Variants in RSF1 observed in about 807,000 individuals in gnomAD.
RSF1 encodes HBV pX-associated protein 8.
In RSF1, 13 loss-of-function variants were observed where a neutral mutation model predicts 145.2. The ratio of observed to expected loss-of-function variants is 0.09; its 90% CI spans 0.06 to 0.14. The LOEUF is 0.14. Ranked by LOEUF, RSF1 falls within the 10% of genes least tolerant of loss-of-function variation. RSF1 has a pLI of 1.00. For synonymous variants in RSF1, 577 were observed against 592.6 expected, an observed-to-expected ratio of 0.97 and a Z score of 0.38; for missense variants, 1,517 against 1,718.2, an observed-to-expected ratio of 0.88 and a Z score of 2.07.
chr11:77,738,045 C>T (rs1433338295), intron 4 of RSF1, among the ~76,000 whole-genome samples: 3 of 152,208 alleles, frequency 2.0e-5, no homozygotes, highest in Non-Finnish European at 2.9e-5. Flanking sequence ...AGAAGAATGG[C>T]GTGAACCCGG....
At chr11:77,693,175 CAA>C (rs1408657502) in intron 8 of RSF1, among the ~76,000 whole-genome samples, 2 of 151,664 alleles carry the variant, frequency 1.3e-5, no homozygotes, top group African/African-American at 2.4e-5. Flanking sequence ...AGGTAGAAAC[CAA>C]AAAAGAGGAT....
chr11:77,848,505 C>T, the RSF1 span, among the ~76,000 whole-genome samples: 1 of 151,926 alleles, frequency 6.6e-6, no homozygotes. Context: ...TTACAGGCAC[C>T]CACCACCTCA....
At chr11:77,757,550 T>C (rs1948127902) in intron 2 of RSF1, among the ~76,000 whole-genome samples, 1 of 152,022 alleles carries the variant, frequency 6.6e-6, no homozygotes, top group South Asian at 2.1e-4. Context: ...AGGTGGTGCA[T>C]GCCTGTAATC....
Position 77,666,049 on chromosome 11 carries a change from T to C in RSF1, c.*868A>G, listed in dbSNP as rs1039890302. ...GGCCAGAAGACAAGAGTTATACTAT[T>C]GGCAAAGTTTACAGTCCACCCAGGC... On this transcript the variant is annotated 3_prime_UTR_variant, in exon 16 of 16. Coordinates refer to ENST00000308488, the MANE Select transcript of RSF1 (RefSeq NM_016578.4). 1 of 152,224 alleles carries C rather than the reference T, an allele frequency of 6.6e-6. No homozygotes were observed. Among genetic ancestry groups the C allele is most frequent in the South Asian group, 2.1e-4 (1 of 4,832 alleles). 9.4% of individuals were successfully genotyped at this position (152,224 alleles called of 1,614,324 possible).
At chr11:77,858,626 C>A in the RSF1 span, among the ~76,000 whole-genome samples, 4 of 152,200 alleles carry the variant, frequency 2.6e-5, no homozygotes, top group South Asian at 2.1e-4. Context: ...GTCTCTCAGT[C>A]CCCCCTCTCA....
intron 13 of RSF1, 46 bp downstream of exon 13, chr11:77,676,746 T>C (rs750431901): frequency 1.9e-6 from 3 of 1,562,550 alleles, no homozygotes; most frequent in Non-Finnish European, 2.6e-6. Flanking sequence ...CCCAGTCCTG[T>C]TCCTGCTGGT....
intron 15 of RSF1, among the ~76,000 whole-genome samples, chr11:77,671,166 T>A (rs1297483372): frequency 3.2e-5 from 3 of 92,754 alleles, no homozygotes; most frequent in African/African-American, 1.4e-4. Flanking sequence ...TATATATATA[T>A]ATATATATAT....
At chr11:77,799,916 C>G (rs1948610315) in intron 1 of RSF1, among the ~76,000 whole-genome samples, 1 of 152,114 alleles carries the variant, frequency 6.6e-6, no homozygotes, top group African/African-American at 2.4e-5. Flanking sequence ...ATGAAATTAT[C>G]AACTTCACTG....
chr11:77,846,711 A>G, the RSF1 span, among the ~76,000 whole-genome samples: 1 of 152,192 alleles, frequency 6.6e-6, no homozygotes, highest in Non-Finnish European at 1.5e-5. Flanking sequence ...CATCTCATAA[A>G]AAGAAATTAG....
the RSF1 span, among the ~76,000 whole-genome samples, chr11:77,863,591 G>C: frequency 0.21 from 32,609 of 152,110 alleles, 3,609 homozygotes; most frequent in Middle Eastern, 0.25. Flanking sequence ...GTTTCACTAT[G>C]TTGGCCAGGA....
chr11:77,813,245 T>A (rs1948747590), intron 1 of RSF1: 1 of 582,464 alleles, frequency 1.7e-6, no homozygotes, highest in Non-Finnish European at 3.1e-6. Context: ...AGTAGTCTAA[T>A]GATGAATGGG....
intron 5 of RSF1, among the ~76,000 whole-genome samples, chr11:77,708,680 TC>T (rs1370654829): frequency 6.6e-6 from 1 of 152,172 alleles, no homozygotes; most frequent in East Asian, 1.9e-4. Context: ...TTCAAGGCCA[TC>T]CCATTTTATT....
the RSF1 span, chr11:77,842,582 G>A: frequency 6.2e-7 from 1 of 1,613,916 alleles, no homozygotes; most frequent in East Asian, 2.2e-5. Context: ...TGCAAAGTAT[G>A]GCCAGGGGGT....
intron 1 of RSF1, among the ~76,000 whole-genome samples, chr11:77,787,736 T>C (rs1199189269): frequency 1.3e-5 from 2 of 150,744 alleles, no homozygotes; most frequent in South Asian, 2.1e-4. Context: ...AAGAATATCA[T>C]AGGAATATAA....
chr11:77,681,799 A>G (rs1959868767), intron 11 of RSF1, among the ~76,000 whole-genome samples: 1 of 152,198 alleles, frequency 6.6e-6, no homozygotes, highest in African/African-American at 2.4e-5. Flanking sequence ...ACCATAATTT[A>G]CAAACTACAA....
intron 1 of RSF1, among the ~76,000 whole-genome samples, chr11:77,785,459 A>C (rs1948444357): frequency 6.6e-6 from 1 of 152,104 alleles, no homozygotes; most frequent in South Asian, 2.1e-4. Context: ...CCGTGGTGGC[A>C]TACACCTGTA....
At chr11:77,839,938 G>A in the RSF1 span, among the ~76,000 whole-genome samples, 1 of 152,112 alleles carries the variant, frequency 6.6e-6, no homozygotes, top group Non-Finnish European at 1.5e-5. Context: ...CCTATGTAAT[G>A]AACGTGCATG....
chr11:77,780,848 A>G, intron 1 of RSF1, among the ~76,000 whole-genome samples: 1 of 147,982 alleles, frequency 6.8e-6, no homozygotes, highest in Admixed American at 6.8e-5. Flanking sequence ...AAAAGAGACT[A>G]TGACTAAATA....
chr11:77,801,284 C>T (rs976119107), intron 1 of RSF1, among the ~76,000 whole-genome samples: 11 of 151,980 alleles, frequency 7.2e-5, no homozygotes, highest in Admixed American at 2.0e-4. Context: ...CAAAAGTAGC[C>T]GGGTGTGGTG....
Sources: gnomAD v4.1 joint callset for allele counts (sites outside exome capture counted in the v4.1 genomes callset) on GRCh38, gnomAD v4.1.1 for gene constraint, MANE v1.5 for transcripts, NCBI Gene and HGNC (gene_info 2026-07-23, HGNC 2026-07-21) for gene names.